AOPEP: variants seen among roughly 807,000 people sequenced by gnomAD.
AOPEP encodes aminopeptidase O (putative), also known as aminopeptidase O.
A neutral mutation model predicts 98.1 loss-of-function variants in AOPEP; 77 were observed. The observed-to-expected ratio is 0.78, with a 90% CI of 0.65 to 0.95. The LOEUF (loss-of-function observed/expected upper bound fraction) is 0.95, where lower values mean the gene tolerates loss of function less well. AOPEP is among the 40% of genes least tolerant of loss of function. The pLI, the probability that AOPEP is intolerant of heterozygous loss-of-function variation, is 0.00. For synonymous variants in AOPEP, 346 were observed against 365.3 expected (o/e 0.95, Z 0.60); for missense variants, 1,024 against 1,024.7 (o/e 1.00, Z 0.01).
At chr9:94,779,690 A>G (rs1588169148) in intron 3 of AOPEP, among the ~76,000 whole-genome samples, 1 of 151,598 alleles carries the variant, frequency 6.6e-6, no homozygotes, top group Admixed American at 6.6e-5. Flanking sequence ...ATATATAAAT[A>G]TAAATTGAAT....
chr9:95,145,647 G>A, the AOPEP span: 1 of 152,168 alleles, frequency 6.6e-6, no homozygotes, highest in Non-Finnish European at 1.5e-5. Context: ...GAACACAGTT[G>A]ATGCCAGCAC....
At chr9:94,981,245 G>A (rs967059134) in intron 11 of AOPEP, among the ~76,000 whole-genome samples, 1 of 152,188 alleles carries the variant, frequency 6.6e-6, no homozygotes, top group Non-Finnish European at 1.5e-5. Context: ...TTAAAAGAGG[G>A]AGGGGTCTGT....
At chr9:95,106,813 T>C in the AOPEP span, among the ~76,000 whole-genome samples, 2 of 152,192 alleles carry the variant, frequency 1.3e-5, no homozygotes, top group African/African-American at 2.4e-5. Flanking sequence ...ACCGCAGGCT[T>C]TGGCAGCAAG....
At chr9:94,908,215 A>G (rs2051455717) in intron 5 of AOPEP, among the ~76,000 whole-genome samples, 1 of 152,140 alleles carries the variant, frequency 6.6e-6, no homozygotes, top group African/African-American at 2.4e-5. Flanking sequence ...TATTGCGCAG[A>G]TTTTAAAAAC....
intron 5 of AOPEP, among the ~76,000 whole-genome samples, chr9:94,875,784 C>A (rs1256375443): frequency 6.6e-6 from 1 of 152,216 alleles, no homozygotes; most frequent in Admixed American, 6.5e-5. Context: ...AACCTAAATT[C>A]TGAGCATGGG....
At chr9:95,120,446 G>A in the AOPEP span, among the ~76,000 whole-genome samples, 5 of 144,256 alleles carry the variant, frequency 3.5e-5, no homozygotes, top group South Asian at 6.6e-4. Flanking sequence ...ACAGCATCTC[G>A]CCCTGTCTTC....
the AOPEP span, chr9:95,101,780 C>G: frequency 6.2e-7 from 1 of 1,614,142 alleles, no homozygotes; most frequent in South Asian, 1.1e-5. Context: ...AATGCCAAGA[C>G]GATTCCATCT....
At chr9:95,143,376 C>T in the AOPEP span, among the ~76,000 whole-genome samples, 1 of 152,106 alleles carries the variant, frequency 6.6e-6, no homozygotes, top group East Asian at 1.9e-4. Context: ...GTGATCAGGT[C>T]GAACTCTGGG....
Position 95,043,251 on chromosome 9 carries a change from T to TATATATATATACATATATATACAG in AOPEP, c.2116-17434_2116-17433insTACATATATATACAGATATATATA, listed in dbSNP as rs1554814056. Among the ~76,000 whole-genome samples the TATATATATATACATATATATACAG allele has an allele frequency of 9.9e-4, 146 of 147,668 alleles. No individual in the cohort carries two copies. In the Middle Eastern group the frequency reaches 0.014, roughly 14 times the overall value. On this transcript the variant is annotated intron_variant, in intron 13 of 16. Coordinates refer to ENST00000375315, the MANE Select transcript of AOPEP (RefSeq NM_001193329.3). The stretch of plus-strand genomic sequence containing the variant: ...GCATATATATACAGATATATACAGA[T>TATATATATATACATATATATACAG]ATATATATACATATATATCTGTATA...
chr9:95,117,361 A>G, the AOPEP span: 1 of 1,614,080 alleles, frequency 6.2e-7, no homozygotes, highest in East Asian at 2.2e-5. Context: ...GAGAAGTGTA[A>G]GGAAAGTAGG....
At chr9:94,762,263 C>A (rs1029392400) in intron 2 of AOPEP, among the ~76,000 whole-genome samples, 1 of 151,950 alleles carries the variant, frequency 6.6e-6, no homozygotes, top group Non-Finnish European at 1.5e-5. Flanking sequence ...CTGGCTAACA[C>A]GGTGAAACCC....
intron 14 of AOPEP, among the ~76,000 whole-genome samples, chr9:95,071,152 GTTTCAGA>G (rs1455093234): frequency 1.3e-5 from 2 of 152,112 alleles, no homozygotes; most frequent in African/African-American, 4.8e-5. Context: ...GACCAGAAAT[GTTTCAGA>G]TTTCAGATTT....
At chr9:94,765,442 T>A (rs1267983383) in intron 2 of AOPEP, among the ~76,000 whole-genome samples, 21 of 137,364 alleles carry the variant, frequency 1.5e-4, no homozygotes, top group African/African-American at 5.4e-5. Flanking sequence ...TCTACAAAAA[T>A]AATAATAATA....
chr9:95,049,404 G>C (rs1256418087), intron 13 of AOPEP, among the ~76,000 whole-genome samples: 1 of 152,154 alleles, frequency 6.6e-6, no homozygotes. Flanking sequence ...TTAAAAGCCT[G>C]TGTTTCATTT....
intron 6 of AOPEP, among the ~76,000 whole-genome samples, chr9:94,927,236 G>A (rs1343122258): frequency 6.6e-6 from 1 of 152,082 alleles, no homozygotes; most frequent in African/African-American, 2.4e-5. Flanking sequence ...GTAGGATTAG[G>A]GCCCCACTCA....
At chr9:94,920,796 A>G (rs1029892025) in intron 5 of AOPEP, among the ~76,000 whole-genome samples, 1 of 152,146 alleles carries the variant, frequency 6.6e-6, no homozygotes, top group African/African-American at 2.4e-5. Flanking sequence ...ACCAGACATG[A>G]TATTTTTAAT....
intron 14 of AOPEP, among the ~76,000 whole-genome samples, chr9:95,064,030 T>A (rs1035951144): frequency 6.6e-6 from 1 of 152,136 alleles, no homozygotes; most frequent in Non-Finnish European, 1.5e-5. Flanking sequence ...TCTCCCAAAG[T>A]GCCAAAGAAT....
At chr9:94,818,482 C>A (rs1333226169) in intron 5 of AOPEP, among the ~76,000 whole-genome samples, 2 of 152,210 alleles carry the variant, frequency 1.3e-5, no homozygotes, top group African/African-American at 4.8e-5. Flanking sequence ...ACATTCCTTA[C>A]ATTGTACACA....
chr9:94,748,752 T>C (rs895139071), intron 1 of AOPEP, among the ~76,000 whole-genome samples: 1 of 152,210 alleles, frequency 6.6e-6, no homozygotes, highest in Admixed American at 6.5e-5. Context: ...ACTGGTTAGG[T>C]ATATTTTAGA....
Sources: gnomAD v4.1 joint callset for allele counts (sites outside exome capture counted in the v4.1 genomes callset) on GRCh38, gnomAD v4.1.1 for gene constraint, MANE v1.5 for transcripts, NCBI Gene and HGNC (gene_info 2026-07-23, HGNC 2026-07-21) for gene names.